Variants in MAST2 observed in about 807,000 individuals in gnomAD.
The protein encoded by MAST2 is microtubule associated serine/threonine kinase 2.
In MAST2, 70 loss-of-function variants were observed where a neutral mutation model predicts 147.4. The ratio of observed to expected loss-of-function variants is 0.47; its 90% CI spans 0.39 to 0.58. MAST2 has a LOEUF of 0.58. Ranked by LOEUF, MAST2 falls within the 20% of genes least tolerant of loss-of-function variation. MAST2 has a pLI of 0.00. For synonymous variants in MAST2, 869 were observed against 896.8 expected (o/e 0.97, Z 0.55); for missense variants, 2,080 against 2,302.3 (o/e 0.90, Z 1.98).
chr1:45,926,705 G>C (rs1220879840), intron 4 of MAST2, among the ~76,000 whole-genome samples: 1 of 152,146 alleles, frequency 6.6e-6, no homozygotes, highest in Non-Finnish European at 1.5e-5. Context: ...AGTATCTTCA[G>C]AAGAAGTGAT....
intron 5 of MAST2, among the ~76,000 whole-genome samples, chr1:45,961,822 A>G (rs1330440877): frequency 6.6e-6 from 1 of 152,018 alleles, no homozygotes; most frequent in Non-Finnish European, 1.5e-5. Flanking sequence ...TGCACAACTT[A>G]CAGGTTTGTT....
intron 2 of MAST2, among the ~76,000 whole-genome samples, chr1:45,826,135 A>G (rs148201237): frequency 7.0e-4 from 106 of 152,282 alleles, no homozygotes; most frequent in African/African-American, 2.2e-3. Flanking sequence ...TTGAGCATCT[A>G]ACAACCAGAA....
intron 5 of MAST2, among the ~76,000 whole-genome samples, chr1:45,962,541 A>G (rs140958972): frequency 0.45 from 67,728 of 151,730 alleles, 15,256 homozygotes; most frequent in East Asian, 0.63. Context: ...GCATTTTTTC[A>G]TGTGTCTGTT....
chr1:46,011,093 C>G (rs923067473), intron 10 of MAST2, 154 bp downstream of exon 10: 1 of 646,574 alleles, frequency 1.5e-6, no homozygotes, highest in African/African-American at 1.8e-5. Context: ...TAGATTCCTC[C>G]TCAGTCCCCT....
intron 4 of MAST2, among the ~76,000 whole-genome samples, chr1:45,904,335 G>C (rs1274892865): frequency 6.6e-6 from 1 of 151,790 alleles, no homozygotes; most frequent in Admixed American, 6.6e-5. Flanking sequence ...CACCATGCCC[G>C]GTTAATTTTT....
At chr1:45,827,407 G>A (rs1287400559) in intron 2 of MAST2, among the ~76,000 whole-genome samples, 1 of 152,084 alleles carries the variant, frequency 6.6e-6, no homozygotes, top group African/African-American at 2.4e-5. Context: ...CTTTACTGGT[G>A]TACAGAGTCA....
Position 46,029,964 on chromosome 1 carries a change from C to T in MAST2, c.2443+11C>T, listed in dbSNP as rs370569559. 2.9e-5 allele frequency: 47 copies of T among 1,613,684 alleles called. No individual in the cohort carries two copies. In the East Asian group the frequency reaches 3.6e-4, roughly 12 times the overall value. On this transcript the variant is annotated intron_variant, in intron 20 of 28. Transcript: ENST00000361297. ...CTAGCTATTTTGACAGTAAGGCCACCGATGGGTGGGGTGGAGGATGGGTCC... is the reference window on the plus strand; with the variant it reads ...CTAGCTATTTTGACAGTAAGGCCACTGATGGGTGGGGTGGAGGATGGGTCC...
At chr1:45,823,707 C>A (rs990674827) in intron 1 of MAST2, among the ~76,000 whole-genome samples, 1 of 152,160 alleles carries the variant, frequency 6.6e-6, no homozygotes, top group Non-Finnish European at 1.5e-5. Context: ...GTATTTGTTA[C>A]AGCTTCCTTC....
intron 5 of MAST2, among the ~76,000 whole-genome samples, chr1:45,981,440 G>A (rs994645366): frequency 2.6e-5 from 4 of 152,056 alleles, no homozygotes; most frequent in Non-Finnish European, 5.9e-5. Flanking sequence ...TTGAGTAGTT[G>A]AGTCAGGGAT....
intron 4 of MAST2, among the ~76,000 whole-genome samples, chr1:45,917,808 A>C (rs893928963): frequency 2.6e-5 from 4 of 152,170 alleles, no homozygotes; most frequent in African/African-American, 9.7e-5. Context: ...TGACCACCCC[A>C]TAGCATGGCA....
At chr1:45,845,613 T>A (rs1487752257) in intron 3 of MAST2, among the ~76,000 whole-genome samples, 1 of 152,238 alleles carries the variant, frequency 6.6e-6, no homozygotes, top group Non-Finnish European at 1.5e-5. Flanking sequence ...CATGTCAATT[T>A]AATTTATCTC....
chr1:45,851,207 C>A (rs1645613313), intron 3 of MAST2, among the ~76,000 whole-genome samples: 1 of 151,318 alleles, frequency 6.6e-6, no homozygotes, highest in Non-Finnish European at 1.5e-5. Flanking sequence ...TTCTTAGGTA[C>A]TTTTTCTTTT....
At chr1:45,860,196 A>G (rs1377123312) in intron 3 of MAST2, among the ~76,000 whole-genome samples, 1 of 111,630 alleles carries the variant, frequency 9.0e-6, no homozygotes, top group Non-Finnish European at 1.8e-5. Flanking sequence ...TGTCTCTACT[A>G]AAAATACACA....
At chr1:45,997,258 C>G (rs1286678159) in intron 5 of MAST2, among the ~76,000 whole-genome samples, 1 of 152,150 alleles carries the variant, frequency 6.6e-6, no homozygotes, top group Non-Finnish European at 1.5e-5. Context: ...ACTTCTCTTT[C>G]CCCTTAAAAC....
chr1:45,842,939 C>T (rs532660267), intron 3 of MAST2, among the ~76,000 whole-genome samples: 2 of 152,216 alleles, frequency 1.3e-5, no homozygotes, highest in East Asian at 3.9e-4. Flanking sequence ...TCTTTGTCAA[C>T]TTGTTATATT....
At chr1:45,871,859 A>G (rs1203471451) in intron 3 of MAST2, among the ~76,000 whole-genome samples, 1 of 152,210 alleles carries the variant, frequency 6.6e-6, no homozygotes, top group African/African-American at 2.4e-5. Flanking sequence ...ATCAAGAGAC[A>G]TATAATATTT....
intron 3 of MAST2, among the ~76,000 whole-genome samples, chr1:45,863,173 T>G (rs746131236): frequency 2.6e-5 from 4 of 152,240 alleles, no homozygotes; most frequent in Non-Finnish European, 5.9e-5. Flanking sequence ...ATGCATCTTT[T>G]TTATATTTTT....
chr1:45,943,136 G>T (rs1350647099), intron 4 of MAST2, among the ~76,000 whole-genome samples: 1 of 152,166 alleles, frequency 6.6e-6, no homozygotes, highest in South Asian at 2.1e-4. Flanking sequence ...ATATGCAAGA[G>T]AATAGAGACA....
At chr1:45,990,898 G>T (rs1644831402) in intron 5 of MAST2, among the ~76,000 whole-genome samples, 1 of 151,664 alleles carries the variant, frequency 6.6e-6, no homozygotes, top group Non-Finnish European at 1.5e-5. Context: ...GCTTATTAAT[G>T]TTTTTTTTCA....
Sources: allele counts gnomAD v4.1 joint callset (sites outside exome capture counted in the v4.1 genomes callset), GRCh38; gene constraint gnomAD v4.1.1; transcripts MANE v1.5; gene names NCBI Gene and HGNC (gene_info 2026-07-23, HGNC 2026-07-21).